TP73: variants seen among roughly 807,000 people sequenced by gnomAD.
TP73 encodes tumor protein p73, also known as p53-like transcription factor.
A neutral mutation model predicts 62.5 loss-of-function variants in TP73; 25 were observed. The observed-to-expected ratio is 0.40, with a 90% CI of 0.29 to 0.56. The LOEUF is 0.56. Among genes scored for constraint, TP73 ranks in the 20% least tolerant of loss-of-function variants. TP73 has a pLI of 0.46. For missense variants in TP73, 754 were observed against 913.3 expected, an observed-to-expected ratio of 0.83 and a Z score of 2.25; for synonymous variants, 423 against 377.5, an observed-to-expected ratio of 1.12 and a Z score of -1.40.
chr1:3,724,325 G>T (rs1641333503), intron 6 of TP73, among the ~76,000 whole-genome samples: 1 of 151,996 alleles, frequency 6.6e-6, no homozygotes, highest in African/African-American at 2.4e-5. Context: ...CTGAGACCAG[G>T]CTCCATGCTG....
chr1:3,727,917 C>T, intron 8 of TP73, 147 bp downstream of exon 8: 1 of 1,324,886 alleles, frequency 7.5e-7, no homozygotes, highest in Non-Finnish European at 1.0e-6. Context: ...AGCCTGAGAG[C>T]AGCCCCCATA....
At chr1:3,731,185 A>G in intron 12 of TP73, 120 bp downstream of exon 12, 2 of 1,405,950 alleles carry the variant, frequency 1.4e-6, no homozygotes, top group Non-Finnish European at 1.9e-6. Flanking sequence ...ACCCTGGATC[A>G]GACAGGCGGG....
Position 3,731,568 on chromosome 1 carries a change from G to A in TP73, c.1578+12G>A. The stretch of plus-strand genomic sequence containing the variant: ...ACCTGACCATTGAGGTAACGCCCGG[G>A]TGGACCCCGCTCTGCAGAGGCAGTA... On this transcript the variant is annotated intron_variant, in intron 13 of 13. Coordinates refer to ENST00000378295, the MANE Select transcript of TP73 (RefSeq NM_005427.4). 1.2e-6 allele frequency: 2 copies of A among 1,612,990 alleles called. No individual in the cohort carries two copies. The highest frequency in any genetic ancestry group is 1.7e-6 in the Non-Finnish European group (2 of 1,179,440).
At chr1:3,719,380 G>A (rs567111484) in intron 4 of TP73, among the ~76,000 whole-genome samples, 9 of 152,308 alleles carry the variant, frequency 5.9e-5, no homozygotes, top group African/African-American at 1.7e-4. Context: ...GAAGCCTGGC[G>A]ACACGGCTGC....
chr1:3,678,730 T>A (rs1047837993), intron 1 of TP73, among the ~76,000 whole-genome samples: 2 of 152,166 alleles, frequency 1.3e-5, no homozygotes, highest in Non-Finnish European at 2.9e-5. Context: ...TCAGGGGGCC[T>A]GTCCCAGGCT....
chr1:3,721,706 T>C (rs1570601725), intron 4 of TP73, among the ~76,000 whole-genome samples: 1 of 152,160 alleles, frequency 6.6e-6, no homozygotes, highest in African/African-American at 2.4e-5. Context: ...CTTCTTGCTC[T>C]CCTGGCCTTT....
Position 3,666,148 on chromosome 1 carries a change from A to AAT in TP73, c.-34+13508_-34+13509insTA. 6.7e-6 allele frequency among the ~76,000 whole-genome samples: 1 copy of AAT among 149,208 alleles called. No individual in the cohort carries two copies. Among genetic ancestry groups the AAT allele is most frequent in the Admixed American group, 6.7e-5 (1 of 15,012 alleles). On this transcript the variant is annotated intron_variant, in intron 1 of 13. Coordinates refer to ENST00000378295, the MANE Select transcript of TP73 (RefSeq NM_005427.4). This position sits in a 1 kb window ranked among gnomAD's most constrained non-coding sequence, Gnocchi z 6.4. ...TCAAAAAAAAAAAAAAAAAAAAAAAAAAAGAGAGAGAGAGAGAGAGAATCT... is the reference window on the plus strand; with the variant it reads ...TCAAAAAAAAAAAAAAAAAAAAAAAAATAAAGAGAGAGAGAGAGAGAGAATCT...
chr1:3,661,169 A>G (rs912369855), intron 1 of TP73, among the ~76,000 whole-genome samples: 11 of 152,178 alleles, frequency 7.2e-5, no homozygotes, highest in African/African-American at 2.4e-4. Context: ...TGTTTTTATA[A>G]GGAGAGAAAA....
At chr1:3,690,208 A>G (rs926372475) in intron 3 of TP73, among the ~76,000 whole-genome samples, 2 of 151,742 alleles carry the variant, frequency 1.3e-5, no homozygotes, top group Admixed American at 1.3e-4. Flanking sequence ...AGAGCTGCTC[A>G]CTCCCGTCAC....
Position 3,728,082 on chromosome 1 carries a change from C to T in TP73, c.986-47C>T, listed in dbSNP as rs1337377560. ...CCCTCCTCCCGGAAGGAGGCCTCAC[C>T]CTCTGGTCCTGCCTGCTCACCCCGC... On this transcript the variant is annotated intron_variant, in intron 8 of 13. Transcript: ENST00000378295. 4.5e-6 allele frequency: 7 copies of T among 1,557,262 alleles called. 1 individual carries two copies. The highest frequency in any genetic ancestry group is 2.6e-6 in the Non-Finnish European group (3 of 1,148,714).
Position 3,683,053 on chromosome 1 carries a change from GC to G in TP73, c.66-3del. The stretch of plus-strand genomic sequence containing the variant: ...CTGACGCTTCTATTTTCCTCTCCCT[GC>G]CCCAGGGAACCAGACAGCACCTACT... On this transcript the variant is annotated splice_region_variant and splice_polypyrimidine_tract_variant and intron_variant, in intron 2 of 13. Transcript: ENST00000378295. 1 of 1,598,532 alleles carries G rather than the reference GC, an allele frequency of 6.3e-7. No individual in the cohort carries two copies. The highest frequency in any genetic ancestry group is 8.6e-7 in the Non-Finnish European group (1 of 1,167,648).
rs12048341 is a variant in TP73, at chr1:3,728,190, T to C, written c.1047T>C (p.His349=). The change falls in exon 9 of 14, where the codon CAT becomes CAC. Residue 349 remains histidine, a synonymous_variant. Transcript: ENST00000378295. ...ALGAGVKKRR[H]GDEDTYYLQV... ...GTGCCGGTGTGAAGAAGCGGCGGCA[T>C]GGAGACGAGGACACGTACTACCTTC... 78,853 of 1,611,698 alleles carry C rather than the reference T, an allele frequency of 0.049. 3,408 individuals are homozygous for C. Among genetic ancestry groups the C allele is most frequent in the African/African-American group, 0.18 (13,307 of 74,986 alleles).
intron 13 of TP73, 91 bp downstream of exon 13, chr1:3,731,647 G>A (rs1428070641): frequency 4.8e-6 from 6 of 1,246,054 alleles, no homozygotes; most frequent in Non-Finnish European, 6.9e-6. Context: ...TTGCTCTCGT[G>A]GCTGGGAAAC....
intron 6 of TP73, 80 bp from the exon 7 acceptor site, chr1:3,727,035 C>T (rs1641705567): frequency 1.5e-5 from 18 of 1,233,808 alleles, no homozygotes; most frequent in Non-Finnish European, 2.1e-5. Context: ...CAGGACCAGA[C>T]ATGGAGCTGG....
chr1:3,667,094 TG>T (rs1471638141), intron 1 of TP73, among the ~76,000 whole-genome samples: 1 of 152,058 alleles, frequency 6.6e-6, no homozygotes, highest in Admixed American at 6.5e-5. Flanking sequence ...ATTTCAGAGA[TG>T]GAGGAAAGTG....
chr1:3,671,509 G>C (rs1645239928), intron 1 of TP73, among the ~76,000 whole-genome samples: 1 of 152,264 alleles, frequency 6.6e-6, no homozygotes, highest in Non-Finnish European at 1.5e-5. Flanking sequence ...CCCCCTTCGT[G>C]ACGGGGGCAA....
In TP73 at chr1:3,670,673, A is replaced by T. The variant is rs1645220032; in HGVS notation, c.-33-11660A>T. ...AGAGCGAGACTCTATCTCAAAAAAAATAAAATAAAATAAAAAAGATAGGAA... is the reference window on the plus strand; with the variant it reads ...AGAGCGAGACTCTATCTCAAAAAAATTAAAATAAAATAAAAAAGATAGGAA... On this transcript the variant is annotated intron_variant, in intron 1 of 13. Coordinates refer to ENST00000378295, the MANE Select transcript of TP73 (RefSeq NM_005427.4). The surrounding 1 kb of genome is among the most constrained non-coding windows in gnomAD (Gnocchi z 5.9). Among the ~76,000 whole-genome samples the T allele has an allele frequency of 6.6e-6, 1 of 152,176 alleles. No homozygotes were observed. The highest frequency in any genetic ancestry group is 1.5e-5 in the Non-Finnish European group (1 of 68,032).
chr1:3,727,522 A>C, intron 7 of TP73, 106 bp from the exon 8 acceptor site: 5 of 1,472,706 alleles, frequency 3.4e-6, no homozygotes, highest in Non-Finnish European at 4.6e-6. Flanking sequence ...GTGGTGACCG[A>C]GGGCTCTCAA....
rs2102089366 is a variant in TP73, at chr1:3,682,349, A to G, written c.-17A>G. 1 of 1,519,992 alleles carries G rather than the reference A, an allele frequency of 6.6e-7. No individual in the cohort carries two copies. The highest frequency in any genetic ancestry group is 8.9e-7 in the Non-Finnish European group (1 of 1,125,534). The allele number at this position is 1,519,992 out of a possible 1,614,324, so 94.2% of individuals were successfully genotyped here. The stretch of plus-strand genomic sequence containing the variant: ...TTCCTGCAGAGCGAGCTGCCCTCGG[A>G]GGCCGGCGTGGGGAAGATGGCCCAG... On this transcript the variant is annotated 5_prime_UTR_variant, in exon 2 of 14. Coordinates refer to ENST00000378295, the MANE Select transcript of TP73 (RefSeq NM_005427.4).
Sources: gnomAD v4.1 joint callset for allele counts (sites outside exome capture counted in the v4.1 genomes callset) on GRCh38, gnomAD v4.1.1 for gene constraint, Gnocchi (gnomAD v3.1) non-coding constraint, MANE v1.5 for transcripts, NCBI Gene and HGNC (gene_info 2026-07-23, HGNC 2026-07-21) for gene names.